EIF2B5: variants seen among roughly 807,000 people sequenced by gnomAD.
The protein encoded by EIF2B5 is translation initiation factor eIF2B subunit epsilon.
Under a neutral mutation model 87.3 loss-of-function variants are expected in EIF2B5, and 38 were observed. The ratio of observed to expected loss-of-function variants is 0.44; its 90% CI spans 0.34 to 0.57. The LOEUF (loss-of-function observed/expected upper bound fraction) is 0.57, where lower values mean the gene tolerates loss of function less well. Ranked by LOEUF, EIF2B5 falls within the 20% of genes least tolerant of loss-of-function variation. EIF2B5 has a pLI of 0.02. For missense variants in EIF2B5, 784 were observed against 909.5 expected (o/e 0.86, Z 1.78); for synonymous variants, 313 against 339.6 (o/e 0.92, Z 0.86).
intron 13 of EIF2B5, 110 bp from the exon 14 acceptor site, chr3:184,143,989 C>G: frequency 6.6e-7 from 1 of 1,512,412 alleles, no homozygotes; most frequent in Non-Finnish European, 9.2e-7. Context: ...TCCACAGAAC[C>G]TGTATCATCT....
intron 5 of EIF2B5, among the ~76,000 whole-genome samples, chr3:184,139,524 G>A (rs1292275716): frequency 1.4e-5 from 2 of 148,134 alleles, no homozygotes; most frequent in Admixed American, 1.3e-4. Flanking sequence ...CAGGTGATCT[G>A]CCTGCCTCGG....
intron 1 of EIF2B5, among the ~76,000 whole-genome samples, chr3:184,136,348 G>A (rs1713358138): frequency 6.6e-6 from 1 of 152,214 alleles, no homozygotes; most frequent in South Asian, 2.1e-4. Flanking sequence ...TCCTTTGCCA[G>A]CAGTGAACTG....
At position 184,141,960 on chromosome 3, in the gene EIF2B5, C is replaced by G; in HGVS notation, c.1192C>G (p.Gln398Glu). ...GGTGCTGGACCAGACCTACCTGTGG[C>G]AGGGTGTTCGAGTGGCGGCTGGAGC... ...NVVLDQTYLWQGVRVAAGAQI... is the reference protein window; with the variant it reads ...NVVLDQTYLWEGVRVAAGAQI... Residue 398 changes from glutamine (Q) to glutamate (E), a missense_variant, in exon 8 of 16, where the codon CAG (glutamine) becomes GAG (glutamate). Gln to Glu is a conservative substitution (Grantham distance 29). This residue lies in a region of EIF2B5 where 660 missense variants were observed against 789.5 expected (regional missense o/e 0.84). Transcript: ENST00000648915. The G allele has an allele frequency of 3.1e-6, 5 of 1,614,128 alleles. No individual in the cohort carries two copies. The highest frequency in any genetic ancestry group is 4.2e-6 in the Non-Finnish European group (5 of 1,180,026).
Position 184,140,476 on chromosome 3 carries a change from C to G in EIF2B5, c.902C>G (p.Ser301Cys), listed in dbSNP as rs1352915033. Residue 301 changes from serine to cysteine, a missense_variant, in exon 7 of 16, where the codon TCC (serine) becomes TGC (cysteine). Ser to Cys is a moderately radical substitution (Grantham distance 112). Transcript: ENST00000648915. ...GCTAAGGAATATGGTGCCCGTGTCT[C>G]CAACCTACACATGTACTCAGCTGTC... ...VTAKEYGARVSNLHMYSAVCA... is the reference protein window; with the variant it reads ...VTAKEYGARVCNLHMYSAVCA... 3.1e-6 allele frequency: 5 copies of G among 1,614,162 alleles called. No homozygotes were observed. Among genetic ancestry groups the G allele is most frequent in the Non-Finnish European group, 2.5e-6 (3 of 1,180,026 alleles).
intron 12 of EIF2B5, 119 bp downstream of exon 12, chr3:184,143,261 G>T (rs376938630): frequency 7.5e-6 from 11 of 1,458,764 alleles, no homozygotes; most frequent in Non-Finnish European, 1.0e-5. Flanking sequence ...GGAAAGACCA[G>T]TAGTATTTGG....
chr3:184,138,185 G>A lies in EIF2B5; in HGVS notation c.704G>A (p.Ser235Asn), dbSNP rs768604524. ...AFPLSLFQGSSDGVEVRYDLL... is the reference protein window; with the variant it reads ...AFPLSLFQGSNDGVEVRYDLL... ...CCACAGAGCCTGTTTCAGGGCAGTA[G>A]TGATGGAGTGGAGGTTCGATATGAT... The change falls in exon 5 of 16, where the codon AGT becomes AAT. Residue 235 changes from serine (S) to asparagine (N), a missense_variant. Ser to Asn is a conservative substitution (Grantham distance 46). Around this residue, in one of 3 missense-constraint regions of EIF2B5, gnomAD observed 660 missense variants for 789.5 expected, o/e 0.84. Coordinates refer to ENST00000648915, the MANE Select transcript of EIF2B5 (RefSeq NM_003907.3). 7 of 1,614,008 alleles carry A rather than the reference G, an allele frequency of 4.3e-6. No homozygotes were observed. The African/African-American group carries it at 8.0e-5, about 18-fold the overall frequency.
Position 184,145,283 on chromosome 3 carries a change from A to G in EIF2B5, c.*340A>G. On this transcript the variant is annotated 3_prime_UTR_variant, in exon 16 of 16. Transcript: ENST00000648915. The surrounding 1 kb of genome is among the most constrained non-coding windows in gnomAD (Gnocchi z 4.0). ...AGTTGGCTCTTTCTGCTGCTTGTAT[A>G]TGTTAATATTAAAAGAGAGAGTGGT... The G allele has an allele frequency of 2.5e-6, 1 of 399,548 alleles. No homozygotes were observed. The highest frequency in any genetic ancestry group is 4.7e-6 in the Non-Finnish European group (1 of 214,002). The allele number at this position is 399,548 out of a possible 1,614,324, so 24.8% of individuals were successfully genotyped here. A position where few individuals can be genotyped will look rare whatever the true frequency, so the allele number is the denominator to read the frequency against.
intron 13 of EIF2B5, 170 bp from the exon 14 acceptor site, chr3:184,143,929 T>C (rs1035056248): frequency 9.6e-7 from 1 of 1,040,044 alleles, no homozygotes; most frequent in African/African-American, 1.6e-5. Flanking sequence ...CCCTAAGGAA[T>C]CTCTTTTTCC....
intron 13 of EIF2B5, 47 bp downstream of exon 13, chr3:184,143,612 G>A: frequency 6.2e-7 from 1 of 1,613,832 alleles, no homozygotes. Context: ...TACAGGCAAA[G>A]GAAATCAGGA....
In EIF2B5 at chr3:184,142,925, C is replaced by G. The variant is rs772886115; in HGVS notation, c.1654+39C>G. ...GAGAAATGCGCTGGACCAGTTTATT[C>G]TCTGCCTGGATCAACTAGCCAGAGG... On this transcript the variant is annotated intron_variant, in intron 11 of 15. Transcript: ENST00000648915. The surrounding 1 kb of genome is among the most constrained non-coding windows in gnomAD (Gnocchi z 5.0). The G allele has an allele frequency of 1.3e-6, 2 of 1,591,110 alleles. No individual in the cohort carries two copies. The highest frequency in any genetic ancestry group is 1.7e-6 in the Non-Finnish European group (2 of 1,164,418).
chr3:184,144,847 A>G, intron 15 of EIF2B5, 37 bp from the exon 16 acceptor site: 1 of 1,606,632 alleles, frequency 6.2e-7, no homozygotes, highest in Non-Finnish European at 8.5e-7. Context: ...AGTTATGTGC[A>G]CCTCCCCCAG....
chr3:184,141,623 G>A (rs929106671), intron 7 of EIF2B5, among the ~76,000 whole-genome samples: 2 of 152,098 alleles, frequency 1.3e-5, no homozygotes, highest in African/African-American at 4.8e-5. Flanking sequence ...GAATTATTTG[G>A]TTCTGCTTGT....
chr3:184,138,294 TG>T, intron 5 of EIF2B5, 48 bp downstream of exon 5: 1 of 1,543,520 alleles, frequency 6.5e-7, no homozygotes, highest in Non-Finnish European at 9.0e-7. Context: ...TAGAACTCTG[TG>T]GGTCTGTTAT....
Position 184,140,173 on chromosome 3 carries a change from C to A in EIF2B5, c.843+16C>A. The A allele has an allele frequency of 6.2e-7, 1 of 1,607,380 alleles. No individual in the cohort carries two copies. The highest frequency in any genetic ancestry group is 8.5e-7 in the Non-Finnish European group (1 of 1,174,022). ...GAATGAGGAGGTGAGAAAAGTCTTC[C>A]AATGCCTCTTTAGGAGAGAGGAGAA... is the stretch of plus-strand genomic sequence containing the variant. On this transcript the variant is annotated intron_variant, in intron 6 of 15. Coordinates refer to ENST00000648915, the MANE Select transcript of EIF2B5 (RefSeq NM_003907.3).
intron 6 of EIF2B5, 70 bp from the exon 7 acceptor site, chr3:184,140,348 G>A: frequency 6.4e-7 from 1 of 1,559,344 alleles, no homozygotes; most frequent in South Asian, 1.1e-5. Flanking sequence ...AAAAGGATTA[G>A]AAAAGTTGTA....
At chr3:184,135,831 G>A (rs1220858737) in intron 1 of EIF2B5, 1 of 583,012 alleles carries the variant, frequency 1.7e-6, no homozygotes, top group Non-Finnish European at 3.0e-6. Context: ...TGTAGAAACA[G>A]CGCTTGAGAG....
Position 184,142,630 on chromosome 3 carries a change from C to A in EIF2B5, c.1546+27C>A. The A allele has an allele frequency of 6.2e-7, 1 of 1,604,508 alleles. No individual in the cohort carries two copies. The highest frequency in any genetic ancestry group is 8.5e-7 in the Non-Finnish European group (1 of 1,173,752). ...TGAGCTAGGCCTGATGCCTGCCCTT[C>A]TCCTCCTGAATCGGAATATTTTGAA... On this transcript the variant is annotated intron_variant, in intron 10 of 15. Coordinates refer to ENST00000648915, the MANE Select transcript of EIF2B5 (RefSeq NM_003907.3). This position sits in a 1 kb window ranked among gnomAD's most constrained non-coding sequence, Gnocchi z 5.0.
chr3:184,138,851 G>A lies in EIF2B5; in HGVS notation c.765+605G>A, dbSNP rs574793111. 2.2e-4 allele frequency: 61 copies of A among 277,846 alleles called. 1 individual carries two copies. In the Middle Eastern group the frequency reaches 4.7e-3, roughly 22 times the overall value. The allele number at this position is 277,846 out of a possible 1,614,324, so 17.2% of individuals were successfully genotyped here. ...AATTTTTGTATTTTTTTGTAGAGAC[G>A]GGGTTTTGCCATGTTGTCCGGCCTG... On this transcript the variant is annotated intron_variant, in intron 5 of 15. Coordinates refer to ENST00000648915, the MANE Select transcript of EIF2B5 (RefSeq NM_003907.3).
Position 184,142,772 on chromosome 3 carries a change from T to A in EIF2B5, c.1547-7T>A. ...TTTCTTTTTCCTCACCCATTATGGC[T>A]TCTCAGGACTCAAGATCAACATGGA... On this transcript the variant is annotated splice_region_variant and splice_polypyrimidine_tract_variant and intron_variant, in intron 10 of 15. Coordinates refer to ENST00000648915, the MANE Select transcript of EIF2B5 (RefSeq NM_003907.3). This position sits in a 1 kb window ranked among gnomAD's most constrained non-coding sequence, Gnocchi z 5.0. 1 of 1,613,252 alleles carries A rather than the reference T, an allele frequency of 6.2e-7. No homozygotes were observed.
Sources: gnomAD v4.1 joint callset for allele counts (sites outside exome capture counted in the v4.1 genomes callset) on GRCh38, gnomAD v4.1.1 for gene constraint, gnomAD v4.1.1 regional missense constraint, Gnocchi (gnomAD v3.1) non-coding constraint, MANE v1.5 for transcripts, NCBI Gene and HGNC (gene_info 2026-07-23, HGNC 2026-07-21) for gene names.